Variants in NR2F1-AS1 observed in about 807,000 individuals in gnomAD.
NR2F1-AS1 encodes the protein NR2F1 regulatory antisense RNA 1.
chr5:93,574,535 T>TG (rs1190599371), intron 1 of NR2F1-AS1, among the ~76,000 whole-genome samples: 13 of 151,946 alleles, frequency 8.6e-5, no homozygotes, highest in Admixed American at 5.9e-4. Context: ...TTCTGAGCCC[T>TG]GGGGGAGTGG....
At chr5:93,473,077 T>A (rs1308314185) in intron 4 of NR2F1-AS1, among the ~76,000 whole-genome samples, 7 of 151,872 alleles carry the variant, frequency 4.6e-5, no homozygotes, top group African/African-American at 1.7e-4. Flanking sequence ...GTTCAAATAT[T>A]TTTGTTGCTG....
At chr5:93,532,692 C>T (rs1277674990) in intron 4 of NR2F1-AS1, among the ~76,000 whole-genome samples, 1 of 152,244 alleles carries the variant, frequency 6.6e-6, no homozygotes, top group Non-Finnish European at 1.5e-5. Context: ...CAGGACATAT[C>T]CAGGTCACCT....
chr5:93,460,964 C>T (rs759233954), intron 4 of NR2F1-AS1, among the ~76,000 whole-genome samples: 23 of 152,152 alleles, frequency 1.5e-4, no homozygotes, highest in Non-Finnish European at 2.9e-4. Context: ...ACCATTCAAC[C>T]CAGCAGTCCC....
At chr5:93,484,763 C>A in intron 4 of NR2F1-AS1, among the ~76,000 whole-genome samples, 1 of 132,702 alleles carries the variant, frequency 7.5e-6, no homozygotes, top group African/African-American at 2.9e-5. Flanking sequence ...GAATATTTAC[C>A]AAGCAAATGG....
intron 4 of NR2F1-AS1, among the ~76,000 whole-genome samples, chr5:93,528,665 A>G (rs1425029668): frequency 2.6e-5 from 4 of 152,224 alleles, no homozygotes; most frequent in Non-Finnish European, 5.9e-5. Context: ...CTCATCAACG[A>G]TAGACTGGAT....
intron 4 of NR2F1-AS1, among the ~76,000 whole-genome samples, chr5:93,547,550 G>A (rs1229471539): frequency 4.6e-5 from 7 of 152,064 alleles, no homozygotes; most frequent in Non-Finnish European, 1.5e-5. Flanking sequence ...CAGCAAGGAG[G>A]CCTAGAATAA....
At chr5:93,577,828 C>A (rs1752930020) in intron 1 of NR2F1-AS1, among the ~76,000 whole-genome samples, 1 of 152,098 alleles carries the variant, frequency 6.6e-6, no homozygotes, top group South Asian at 2.1e-4. Context: ...CTCGATAAAA[C>A]GGGGTTAGTT....
At chr5:93,551,656 A>T (rs900328095) in intron 4 of NR2F1-AS1, among the ~76,000 whole-genome samples, 32 of 152,216 alleles carry the variant, frequency 2.1e-4, no homozygotes, top group African/African-American at 6.5e-4. Flanking sequence ...TTTACTCTTC[A>T]TAATTTTCAA....
chr5:93,570,929 G>A (rs1011605392), intron 1 of NR2F1-AS1: 2 of 152,216 alleles, frequency 1.3e-5, no homozygotes, highest in African/African-American at 4.8e-5. Flanking sequence ...GGGGCCCTCG[G>A]AGGGGCCCCT....
At chr5:93,491,275 T>C (rs1485658808) in intron 4 of NR2F1-AS1, among the ~76,000 whole-genome samples, 2 of 150,174 alleles carry the variant, frequency 1.3e-5, no homozygotes, top group South Asian at 2.1e-4. Flanking sequence ...GTGGTGGTCA[T>C]GGTGGTGATA....
intron 4 of NR2F1-AS1, among the ~76,000 whole-genome samples, chr5:93,447,188 C>A (rs1184542948): frequency 1.3e-5 from 2 of 152,096 alleles, no homozygotes; most frequent in African/African-American, 4.8e-5. Flanking sequence ...GCAACAAAAG[C>A]CAAAATTGAC....
chr5:93,452,679 G>C lies in NR2F1-AS1; in HGVS notation n.639-57137C>G, dbSNP rs77636074. On this transcript the variant is annotated intron_variant and non_coding_transcript_variant, in intron 4 of 5. Transcript: ENST00000660523. ...CCAAATAATTTCCACAGTTCACATAGAGCTAAGAATTAATTCTCATTTGCC... is the reference window on the plus strand; with the variant it reads ...CCAAATAATTTCCACAGTTCACATACAGCTAAGAATTAATTCTCATTTGCC... 2.0e-3 allele frequency among the ~76,000 whole-genome samples: 312 copies of C among 152,274 alleles called. 2 individuals are homozygous for C. The highest frequency in any genetic ancestry group is 7.1e-3 in the African/African-American group (294 of 41,554).
In NR2F1-AS1 at chr5:93,481,372, G is replaced by C. The variant is rs1269087502; in HGVS notation, n.638+72389C>G. On this transcript the variant is annotated intron_variant and non_coding_transcript_variant, in intron 4 of 5. Coordinates refer to ENST00000660523, the Ensembl canonical transcript of NR2F1-AS1. ...ACTAGAGAGCCTGAGAATATATAAA[G>C]TAAATAGTGACAAAACTGAAGAGAG... 1.3e-5 allele frequency among the ~76,000 whole-genome samples: 2 copies of C among 151,958 alleles called. 1 individual carries two copies. Among genetic ancestry groups the C allele is most frequent in the South Asian group, 4.1e-4 (2 of 4,828 alleles).
At position 93,410,269 on chromosome 5, in the gene NR2F1-AS1, TG is replaced by T. The variant is rs1748826108; in HGVS notation, n.639-14728del. 3.9e-5 allele frequency: 6 copies of T among 152,344 alleles called. No homozygotes were observed. In the South Asian group the frequency reaches 1.2e-3, roughly 32 times the overall value. The allele number at this position is 152,344 out of a possible 1,614,324, so 9.4% of individuals were successfully genotyped here. ...ATTTTGTTCCATCCCTATCCTATCT[TG>T]GGTCTCTGAGTACCATCACCCACGT... On this transcript the variant is annotated intron_variant and non_coding_transcript_variant, in intron 4 of 5. Transcript: ENST00000660523.
At position 93,579,056 on chromosome 5, in the gene NR2F1-AS1, G is replaced by T. The variant is rs1274980636; in HGVS notation, n.313+1411C>A. 6.6e-6 allele frequency among the ~76,000 whole-genome samples: 1 copy of T among 152,216 alleles called. No individual in the cohort carries two copies. Among genetic ancestry groups the T allele is most frequent in the Non-Finnish European group, 1.5e-5 (1 of 68,036 alleles). ...TGAGCACAAGTGGGGCGCCCTGTGG[G>T]TGTGCAACCGCGGTCGGGGAGCACA... On this transcript the variant is annotated intron_variant and non_coding_transcript_variant, in intron 1 of 5. Transcript: ENST00000660523. This position sits in a 1 kb window ranked among gnomAD's most constrained non-coding sequence, Gnocchi z 5.1.
intron 4 of NR2F1-AS1, among the ~76,000 whole-genome samples, chr5:93,547,759 T>C (rs1439135985): frequency 6.6e-6 from 1 of 152,188 alleles, no homozygotes; most frequent in East Asian, 1.9e-4. Flanking sequence ...TACCAGATAC[T>C]ATTTAAAACC....
At chr5:93,410,584 T>C (rs978339559) in intron 4 of NR2F1-AS1, 3 of 152,180 alleles carry the variant, frequency 2.0e-5, no homozygotes, top group South Asian at 4.1e-4. Context: ...GCCTAACTAA[T>C]GCCTGATGAT....
At chr5:93,467,889 TG>T (rs1270953204) in intron 4 of NR2F1-AS1, among the ~76,000 whole-genome samples, 1 of 152,220 alleles carries the variant, frequency 6.6e-6, no homozygotes, top group Non-Finnish European at 1.5e-5. Flanking sequence ...CTCCCACCTA[TG>T]AGTGAGAACA....
At chr5:93,445,913 T>C (rs193237977) in intron 4 of NR2F1-AS1, among the ~76,000 whole-genome samples, 2 of 152,184 alleles carry the variant, frequency 1.3e-5, no homozygotes, top group African/African-American at 4.8e-5. Context: ...AATCAATACA[T>C]GTAATCCATC....
Sources: allele counts gnomAD v4.1 joint callset (sites outside exome capture counted in the v4.1 genomes callset), GRCh38; gene constraint gnomAD v4.1.1; non-coding constraint Gnocchi (gnomAD v3.1); transcripts MANE v1.5; gene names NCBI Gene and HGNC (gene_info 2026-07-23, HGNC 2026-07-21).